ERC2: variants seen among roughly 807,000 people sequenced by gnomAD.
The protein encoded by ERC2 is ELKS/RAB6-interacting/CAST family member 2.
Under a neutral mutation model 114.8 loss-of-function variants are expected in ERC2, and 42 were observed. The observed-to-expected ratio is 0.37, with a 90% CI of 0.29 to 0.47. The LOEUF (loss-of-function observed/expected upper bound fraction) is 0.47. Ranked by LOEUF, ERC2 falls within the 20% of genes least tolerant of loss-of-function variation. ERC2 has a pLI of 0.99. For missense variants in ERC2, 939 were observed against 1,150.7 expected (o/e 0.82, Z 2.66); for synonymous variants, 454 against 425.5 (o/e 1.07, Z -0.82).
intron 13 of ERC2, among the ~76,000 whole-genome samples, chr3:55,945,915 G>A (rs1395430692): frequency 6.6e-6 from 1 of 152,054 alleles, no homozygotes; most frequent in African/African-American, 2.4e-5. Context: ...AACAGAAAAG[G>A]AGCACAAAAC....
chr3:56,083,567 T>A (rs1464770720), intron 6 of ERC2, among the ~76,000 whole-genome samples: 1 of 152,164 alleles, frequency 6.6e-6, no homozygotes, highest in Non-Finnish European at 1.5e-5. Context: ...TCAATAAATT[T>A]GAAAAATATA....
chr3:55,581,422 T>G (rs2057256047), intron 17 of ERC2, among the ~76,000 whole-genome samples: 2 of 152,174 alleles, frequency 1.3e-5, no homozygotes, highest in Non-Finnish European at 2.9e-5. Flanking sequence ...GTAATTACAC[T>G]GATGGCTGAT....
At chr3:55,961,423 T>C (rs1446899678) in intron 12 of ERC2, among the ~76,000 whole-genome samples, 1 of 152,172 alleles carries the variant, frequency 6.6e-6, no homozygotes, top group African/African-American at 2.4e-5. Context: ...TAGGTCCTCC[T>C]GTTACTAACT....
chr3:55,777,553 T>G (rs2149042449), intron 14 of ERC2, among the ~76,000 whole-genome samples: 1 of 152,340 alleles, frequency 6.6e-6, no homozygotes, highest in South Asian at 2.1e-4. Flanking sequence ...CCATTAGAAA[T>G]GCTGTTCATT....
chr3:55,633,112 A>G (rs2059821284), intron 17 of ERC2, among the ~76,000 whole-genome samples: 1 of 152,204 alleles, frequency 6.6e-6, no homozygotes, highest in Non-Finnish European at 1.5e-5. Context: ...GAGCTCTAGG[A>G]TAAGTAACCA....
At chr3:55,652,337 C>T (rs958795563) in intron 17 of ERC2, among the ~76,000 whole-genome samples, 6 of 152,160 alleles carry the variant, frequency 3.9e-5, no homozygotes, top group African/African-American at 1.4e-4. Context: ...CATTAGTCTA[C>T]ATTCATTTTA....
At chr3:55,815,166 AT>A (rs2059862670) in intron 14 of ERC2, among the ~76,000 whole-genome samples, 1 of 152,194 alleles carries the variant, frequency 6.6e-6, no homozygotes, top group Non-Finnish European at 1.5e-5. Flanking sequence ...AATAACTTCA[AT>A]TAGGGTTCAA....
intron 2 of ERC2, among the ~76,000 whole-genome samples, chr3:56,387,765 CT>C (rs1412236601): frequency 1.3e-5 from 2 of 152,046 alleles, no homozygotes; most frequent in Non-Finnish European, 2.9e-5. Context: ...CAAGAGTGTC[CT>C]TGCAAGATGC....
At chr3:55,544,936 C>G (rs1000051359) in intron 17 of ERC2, among the ~76,000 whole-genome samples, 1 of 152,204 alleles carries the variant, frequency 6.6e-6, no homozygotes, top group South Asian at 2.1e-4. Context: ...GATTTGACAT[C>G]CATATCTTTG....
At chr3:56,202,755 C>G (rs2048479529) in intron 3 of ERC2, among the ~76,000 whole-genome samples, 1 of 152,034 alleles carries the variant, frequency 6.6e-6, no homozygotes, top group African/African-American at 2.4e-5. Flanking sequence ...TAAAAACAGA[C>G]AGTAGAAGGG....
intron 13 of ERC2, among the ~76,000 whole-genome samples, chr3:55,941,482 C>T (rs981375152): frequency 3.9e-5 from 6 of 152,142 alleles, no homozygotes; most frequent in African/African-American, 1.4e-4. Context: ...ACTGCTACGG[C>T]CTTTGCTGCA....
At chr3:56,045,953 C>T (rs940046121) in intron 7 of ERC2, among the ~76,000 whole-genome samples, 1 of 152,022 alleles carries the variant, frequency 6.6e-6, no homozygotes, top group African/African-American at 2.4e-5. Context: ...ACAAAAATAG[C>T]GTGGCTTCCA....
intron 3 of ERC2, among the ~76,000 whole-genome samples, chr3:56,292,425 A>C (rs1410075185): frequency 8.3e-6 from 1 of 120,572 alleles, no homozygotes; most frequent in Non-Finnish European, 1.6e-5. Flanking sequence ...CAAAAATACA[A>C]AAAAAAAAAA....
At chr3:56,001,202 A>C (rs989187614) in intron 10 of ERC2, among the ~76,000 whole-genome samples, 3 of 152,088 alleles carry the variant, frequency 2.0e-5, no homozygotes, top group Non-Finnish European at 4.4e-5. Flanking sequence ...CAGCAACAAC[A>C]AAAAGATGTC....
intron 1 of ERC2, among the ~76,000 whole-genome samples, chr3:56,452,954 C>T (rs2062887430): frequency 6.6e-6 from 1 of 152,196 alleles, no homozygotes; most frequent in South Asian, 2.1e-4. Flanking sequence ...TTACATTAGA[C>T]CCTTTCTTCC....
intron 7 of ERC2, among the ~76,000 whole-genome samples, chr3:56,044,995 C>T (rs2075385348): frequency 6.6e-6 from 1 of 152,126 alleles, no homozygotes; most frequent in African/African-American, 2.4e-5. Flanking sequence ...AACATAGTAA[C>T]ATGTGCTAGA....
rs187519126 is a variant in ERC2 at position 56,084,776 on chromosome 3, C to T, written c.1474-3792G>A. Among the ~76,000 whole-genome samples, 8 of 151,382 alleles carry T rather than the reference C, an allele frequency of 5.3e-5. No individual in the cohort carries two copies. The East Asian group carries it at 9.8e-4, about 18-fold the overall frequency. On this transcript the variant is annotated intron_variant, in intron 6 of 17. Coordinates refer to ENST00000288221, the MANE Select transcript of ERC2 (RefSeq NM_015576.3). ...TGCAAGGTACACTACTCAGGTGATG[C>T]GTACACTGAAATCCCAGACTTCACC...
At chr3:56,367,244 G>T (rs547822965) in intron 2 of ERC2, among the ~76,000 whole-genome samples, 1 of 151,074 alleles carries the variant, frequency 6.6e-6, no homozygotes, top group Non-Finnish European at 1.5e-5. Context: ...GAATAAGATT[G>T]CTCAGGCCCA....
intron 17 of ERC2, among the ~76,000 whole-genome samples, chr3:55,551,638 T>C (rs1397807031): frequency 1.3e-5 from 2 of 152,194 alleles, no homozygotes; most frequent in Non-Finnish European, 2.9e-5. Context: ...CAGGGAAACA[T>C]TTAAATTCAA....
Sources: allele counts gnomAD v4.1 joint callset (sites outside exome capture counted in the v4.1 genomes callset), GRCh38; gene constraint gnomAD v4.1.1; transcripts MANE v1.5; gene names NCBI Gene and HGNC (gene_info 2026-07-23, HGNC 2026-07-21).